CNTNAP2: variants seen among roughly 807,000 people sequenced by gnomAD.
CNTNAP2 encodes contactin-associated protein-like 2.
Under a neutral mutation model 155.2 loss-of-function variants are expected in CNTNAP2, and 98 were observed. The ratio of observed to expected loss-of-function variants is 0.63; its 90% CI spans 0.54 to 0.75. The LOEUF is 0.75. Ranked by LOEUF, CNTNAP2 falls within the 30% of genes least tolerant of loss-of-function variation. The pLI is 0.00. For synonymous variants in CNTNAP2, 651 were observed against 631.2 expected, an observed-to-expected ratio of 1.03 and a Z score of -0.47; for missense variants, 1,727 against 1,688.1, an observed-to-expected ratio of 1.02 and a Z score of -0.40.
At chr7:146,496,174 T>C (rs1797212450) in intron 1 of CNTNAP2, among the ~76,000 whole-genome samples, 1 of 152,074 alleles carries the variant, frequency 6.6e-6, no homozygotes, top group Non-Finnish European at 1.5e-5. Context: ...CCTTCTTGGG[T>C]GATGATCAAG....
chr7:147,852,184 G>A (rs1212939772), intron 13 of CNTNAP2, among the ~76,000 whole-genome samples: 1 of 152,118 alleles, frequency 6.6e-6, no homozygotes, highest in Non-Finnish European at 1.5e-5. Flanking sequence ...CATGAATTAT[G>A]TAGTTAATTA....
intron 13 of CNTNAP2, among the ~76,000 whole-genome samples, chr7:147,756,547 T>C (rs1053862280): frequency 6.6e-6 from 1 of 152,102 alleles, no homozygotes; most frequent in Non-Finnish European, 1.5e-5. Flanking sequence ...TTAATCATGG[T>C]CTAAGGACAT....
intron 1 of CNTNAP2, among the ~76,000 whole-genome samples, chr7:146,339,775 A>G (rs964255715): frequency 6.6e-6 from 1 of 152,148 alleles, no homozygotes; most frequent in Non-Finnish European, 1.5e-5. Flanking sequence ...AGAACCAGTA[A>G]CAGGGGATTT....
At chr7:146,928,704 G>T (rs922499551) in intron 3 of CNTNAP2, among the ~76,000 whole-genome samples, 3 of 152,212 alleles carry the variant, frequency 2.0e-5, no homozygotes, top group Non-Finnish European at 2.9e-5. Context: ...GTGACAGAAG[G>T]CATCTGGAAA....
At chr7:148,132,998 C>G (rs1804864657) in intron 16 of CNTNAP2, among the ~76,000 whole-genome samples, 2 of 152,164 alleles carry the variant, frequency 1.3e-5, no homozygotes, top group Non-Finnish European at 2.9e-5. Context: ...ACAATTATCC[C>G]TTCATCCCTG....
intron 14 of CNTNAP2, among the ~76,000 whole-genome samples, chr7:147,924,586 T>A (rs543940910): frequency 6.6e-6 from 1 of 151,620 alleles, no homozygotes; most frequent in East Asian, 1.9e-4. Context: ...TCATAAGGAG[T>A]GAACGGGAGG....
rs564192600 is a variant in CNTNAP2, at chr7:148,009,427, T to C, written c.2383+31438T>C. 2.6e-5 allele frequency among the ~76,000 whole-genome samples: 4 copies of C among 152,282 alleles called. No homozygotes were observed. In the East Asian group the frequency reaches 5.8e-4, roughly 22 times the overall value. On this transcript the variant is annotated intron_variant, in intron 15 of 23. Transcript: ENST00000361727. ...CATAAGTCAGGGTTCATCTGTAGTG[T>C]TTTTGGACAGGAGAGCTAGTAACAA... is the stretch of plus-strand genomic sequence containing the variant.
At chr7:146,917,706 A>G (rs1329271914) in intron 3 of CNTNAP2, among the ~76,000 whole-genome samples, 1 of 152,122 alleles carries the variant, frequency 6.6e-6, no homozygotes, top group East Asian at 1.9e-4. Flanking sequence ...TGCTATACCC[A>G]TGATGTTGAT....
intron 14 of CNTNAP2, among the ~76,000 whole-genome samples, chr7:147,941,925 T>TTAAAGAAAA (rs1800729901): frequency 6.6e-6 from 1 of 152,242 alleles, no homozygotes; most frequent in Non-Finnish European, 1.5e-5. Flanking sequence ...ATTTAAAGTG[T>TTAAAGAAAA]GTACGTTCTT....
At chr7:148,387,084 G>T (rs527974064) in intron 22 of CNTNAP2, among the ~76,000 whole-genome samples, 1 of 152,132 alleles carries the variant, frequency 6.6e-6, no homozygotes, top group Non-Finnish European at 1.5e-5. Flanking sequence ...AAAGCCACCC[G>T]TAAGAGGGAG....
chr7:146,843,879 A>G lies in CNTNAP2; in HGVS notation c.402+3975A>G, dbSNP rs372921478. 3.3e-4 allele frequency among the ~76,000 whole-genome samples: 50 copies of G among 152,202 alleles called. No homozygotes were observed. In the South Asian group the frequency reaches 3.9e-3, roughly 12 times the overall value. On this transcript the variant is annotated intron_variant, in intron 3 of 23. Coordinates refer to ENST00000361727, the MANE Select transcript of CNTNAP2 (RefSeq NM_014141.6). Reference sequence around the variant, plus strand: ...AAGATTGGATGGCTTTTTGATGGAAAACACCTTACAAGATGTAAAAATTTA... The same window carrying G: ...AAGATTGGATGGCTTTTTGATGGAAGACACCTTACAAGATGTAAAAATTTA...
Position 147,004,173 on chromosome 7 carries a change from C to T in CNTNAP2, c.403-39734C>T, listed in dbSNP as rs140243555. On this transcript the variant is annotated intron_variant, in intron 3 of 23. Coordinates refer to ENST00000361727, the MANE Select transcript of CNTNAP2 (RefSeq NM_014141.6). ...ACAAAAAACTATTGAAGAATAAAAT[C>T]GATGAATTCAATAATATTAAAACTT... is the stretch of plus-strand genomic sequence containing the variant. Among the ~76,000 whole-genome samples, 1,127 of 126,034 alleles carry T rather than the reference C, an allele frequency of 8.9e-3. 9 individuals carry two copies. Among genetic ancestry groups the T allele is most frequent in the Non-Finnish European group, 0.012 (746 of 61,062 alleles). 82.7% of individuals were successfully genotyped at this position (126,034 alleles called of 152,430 possible).
intron 9 of CNTNAP2, among the ~76,000 whole-genome samples, chr7:147,369,865 A>C (rs1796312791): frequency 6.6e-6 from 1 of 152,224 alleles, no homozygotes; most frequent in Non-Finnish European, 1.5e-5. Context: ...CTGCATAAAT[A>C]ACAAATCGAA....
At chr7:148,026,320 G>T (rs1316689169) in intron 15 of CNTNAP2, among the ~76,000 whole-genome samples, 3 of 151,446 alleles carry the variant, frequency 2.0e-5, no homozygotes, top group African/African-American at 4.8e-5. Flanking sequence ...GTGTGATGGT[G>T]CAGGCCTATA....
intron 1 of CNTNAP2, among the ~76,000 whole-genome samples, chr7:146,612,325 G>T (rs572730511): frequency 6.6e-6 from 1 of 152,206 alleles, no homozygotes; most frequent in East Asian, 1.9e-4. Context: ...GTTTACAGGT[G>T]AGAATGACAA....
At position 147,848,602 on chromosome 7, in the gene CNTNAP2, C is replaced by T. The variant is rs147070218; in HGVS notation, c.2099-54963C>T. 4.2e-3 allele frequency among the ~76,000 whole-genome samples: 633 copies of T among 152,108 alleles called. 8 individuals are homozygous for T. The highest frequency in any genetic ancestry group is 0.034 in the East Asian group (173 of 5,154). ...GCTGTAGACCGGAGCTGTTCCTATT[C>T]GGCCATCTTGGCTCCTCCTCCCTTC... On this transcript the variant is annotated intron_variant, in intron 13 of 23. Coordinates refer to ENST00000361727, the MANE Select transcript of CNTNAP2 (RefSeq NM_014141.6).
chr7:147,753,220 C>A (rs938394798), intron 13 of CNTNAP2, among the ~76,000 whole-genome samples: 1 of 152,166 alleles, frequency 6.6e-6, no homozygotes, highest in Non-Finnish European at 1.5e-5. Flanking sequence ...TCAAGTAAGA[C>A]AAGGGCAGGC....
At chr7:146,350,773 C>G (rs1482709680) in intron 1 of CNTNAP2, among the ~76,000 whole-genome samples, 2 of 151,650 alleles carry the variant, frequency 1.3e-5, no homozygotes, top group African/African-American at 4.8e-5. Context: ...AGACTTGGAA[C>G]CAACCCAAAT....
chr7:147,927,574 C>T lies in CNTNAP2; in HGVS notation c.2255+23853C>T, dbSNP rs547719731. Among the ~76,000 whole-genome samples, 303 of 152,186 alleles carry T rather than the reference C, an allele frequency of 2.0e-3. 1 individual carries two copies. Among genetic ancestry groups the T allele is most frequent in the African/African-American group, 7.2e-3 (298 of 41,512 alleles). ...GGTAGGCATAGGCTAGTAAATTGAC[C>T]AATATCTTCATTTGCTTAAAATAAA... On this transcript the variant is annotated intron_variant, in intron 14 of 23. Coordinates refer to ENST00000361727, the MANE Select transcript of CNTNAP2 (RefSeq NM_014141.6).
Sources: allele counts gnomAD v4.1 joint callset (sites outside exome capture counted in the v4.1 genomes callset), GRCh38; gene constraint gnomAD v4.1.1; transcripts MANE v1.5; gene names NCBI Gene and HGNC (gene_info 2026-07-23, HGNC 2026-07-21).